CDH8: variants seen among roughly 807,000 people sequenced by gnomAD.
CDH8 encodes the protein cadherin 8, also known as cadherin-8.
Under a neutral mutation model 68.1 loss-of-function variants are expected in CDH8, and 17 were observed. That is an observed-to-expected ratio of 0.25 (90% CI 0.17 to 0.37). The LOEUF (loss-of-function observed/expected upper bound fraction) is 0.37. Ranked by LOEUF, CDH8 falls within the 10% of genes least tolerant of loss-of-function variation. CDH8 has a pLI of 1.00. For synonymous variants in CDH8, 372 were observed against 365.1 expected (o/e 1.02, Z -0.21); for missense variants, 763 against 999.3 (o/e 0.76, Z 3.19).
intron 2 of CDH8, among the ~76,000 whole-genome samples, chr16:61,953,924 T>C (rs965499171): frequency 7.8e-6 from 1 of 127,530 alleles, no homozygotes; most frequent in Admixed American, 7.7e-5. Flanking sequence ...TATATATATA[T>C]ATAAAATACC....
chr16:61,751,382 T>TAAAAAAAAAAAAAAAAAAAAAAA (rs71134375), intron 8 of CDH8, among the ~76,000 whole-genome samples: 1 of 54,138 alleles, frequency 1.8e-5, no homozygotes, highest in African/African-American at 7.9e-5. Flanking sequence ...ATATTCTCCT[T>TAAAAAAAAAAAAAAAAAAAAAAA]AAAAAAAAAA....
intron 2 of CDH8, among the ~76,000 whole-genome samples, chr16:61,902,576 CAAAAAAA>C (rs74868190): frequency 2.1e-3 from 199 of 93,078 alleles, no homozygotes; most frequent in African/African-American, 7.7e-3. Flanking sequence ...ATATTTGTTC[CAAAAAAA>C]AAAAAAAAAA....
intron 2 of CDH8, among the ~76,000 whole-genome samples, chr16:61,947,005 T>A (rs1410538169): frequency 6.6e-6 from 1 of 152,208 alleles, no homozygotes; most frequent in Non-Finnish European, 1.5e-5. Flanking sequence ...TGTTATCTGT[T>A]TCCTGTGTAA....
At chr16:61,746,006 T>A (rs1242820137) in intron 8 of CDH8, among the ~76,000 whole-genome samples, 1 of 152,084 alleles carries the variant, frequency 6.6e-6, no homozygotes, top group Admixed American at 6.6e-5. Context: ...AAGACCGGAT[T>A]TCAGAATTAT....
rs544002257 is a variant in CDH8, at chr16:61,809,349, C to T, written c.1277+8130G>A. Among the ~76,000 whole-genome samples the T allele has an allele frequency of 2.0e-5, 3 of 152,172 alleles. No individual in the cohort carries two copies. In the East Asian group the frequency reaches 5.8e-4, roughly 30 times the overall value. On this transcript the variant is annotated intron_variant, in intron 7 of 11. Transcript: ENST00000577390. ...TTTAGAAAGAAAAAAAGGTGACTTT[C>T]CTGCATGTTCTCACTCATAAGTGGG...
intron 1 of CDH8, among the ~76,000 whole-genome samples, chr16:62,028,632 A>G (rs1902251980): frequency 1.3e-5 from 2 of 152,142 alleles, no homozygotes; most frequent in Admixed American, 1.3e-4. Context: ...TTCTAGAACC[A>G]GACCTTTACT....
At chr16:62,017,296 G>C (rs1204394278) in intron 2 of CDH8, among the ~76,000 whole-genome samples, 3 of 152,074 alleles carry the variant, frequency 2.0e-5, no homozygotes, top group Non-Finnish European at 4.4e-5. Context: ...TTATCAGGAA[G>C]AAAAACAGTC....
intron 10 of CDH8, among the ~76,000 whole-genome samples, chr16:61,712,014 T>C (rs192054453): frequency 1.3e-5 from 2 of 151,718 alleles, no homozygotes; most frequent in Non-Finnish European, 3.0e-5. Flanking sequence ...CAAAATAATA[T>C]GAAAAACCTA....
chr16:61,942,583 T>C (rs1255517962), intron 2 of CDH8, among the ~76,000 whole-genome samples: 1 of 152,188 alleles, frequency 6.6e-6, no homozygotes, highest in Non-Finnish European at 1.5e-5. Context: ...TAGTGACCTA[T>C]GTTACCTGAC....
At chr16:61,797,586 G>T (rs1353878510) in intron 7 of CDH8, among the ~76,000 whole-genome samples, 1 of 152,112 alleles carries the variant, frequency 6.6e-6, no homozygotes, top group South Asian at 2.1e-4. Flanking sequence ...CAACAGGATT[G>T]CCTTAAAAGG....
intron 8 of CDH8, among the ~76,000 whole-genome samples, chr16:61,759,163 T>C (rs1367841755): frequency 2.6e-5 from 4 of 152,242 alleles, no homozygotes; most frequent in East Asian, 1.9e-4. Context: ...ATGAAATGAA[T>C]TACAAATTGA....
At chr16:61,996,403 CA>C in intron 2 of CDH8, among the ~76,000 whole-genome samples, 1 of 152,286 alleles carries the variant, frequency 6.6e-6, no homozygotes, top group Non-Finnish European at 1.5e-5. Context: ...CCAGGTGAAG[CA>C]AATTCATGCT....
chr16:61,808,901 C>A (rs1251742984), intron 7 of CDH8, among the ~76,000 whole-genome samples: 1 of 152,148 alleles, frequency 6.6e-6, no homozygotes, highest in African/African-American at 2.4e-5. Context: ...TAAGACTTTA[C>A]TAGACCAGGC....
In CDH8 at chr16:61,653,124, A is replaced by T. The variant is rs1469324465; in HGVS notation, c.*484T>A. The T allele has an allele frequency of 8.0e-7, 1 of 1,248,190 alleles. No individual in the cohort carries two copies. Among genetic ancestry groups the T allele is most frequent in the East Asian group, 3.1e-5 (1 of 32,004 alleles). 77.3% of individuals were successfully genotyped at this position (1,248,190 alleles called of 1,614,324 possible). A position where few individuals can be genotyped will look rare whatever the true frequency, so the allele number is the denominator to read the frequency against. On this transcript the variant is annotated 3_prime_UTR_variant, in exon 12 of 12. Transcript: ENST00000577390. ...AAAACTCCAAAAAGTTATAATGTAC[A>T]GCAGACCAAGTATTGCTTTATCATT...
intron 2 of CDH8, among the ~76,000 whole-genome samples, chr16:61,912,508 C>G (rs1964178081): frequency 6.6e-6 from 1 of 151,980 alleles, no homozygotes; most frequent in Non-Finnish European, 1.5e-5. Context: ...AGGTGAAGGG[C>G]TAATCAGATA....
At chr16:61,870,370 T>C (rs1372817271) in intron 3 of CDH8, among the ~76,000 whole-genome samples, 1 of 152,130 alleles carries the variant, frequency 6.6e-6, no homozygotes, top group African/African-American at 2.4e-5. Flanking sequence ...TCAGTGTAAA[T>C]GTGTGAAGTG....
intron 7 of CDH8, among the ~76,000 whole-genome samples, chr16:61,800,694 T>C (rs1425730138): frequency 6.6e-6 from 1 of 152,174 alleles, no homozygotes; most frequent in African/African-American, 2.4e-5. Flanking sequence ...GACTTCATAC[T>C]CATGGGGTAG....
At position 61,653,868 on chromosome 16, in the gene CDH8, G is replaced by A. The variant is rs761735900; in HGVS notation, c.2140C>T (p.Pro714Ser). ...LQFMPRQGLA[P>S]VPNGVDVDEF... ...TCGACATCAACACCATTTGGAACTG[G>A]AGCAAGCCCTTGCCTTGGCATAAAC... Residue 714 changes from proline to serine, a missense_variant, in exon 12 of 12, where the codon CCA (proline) becomes TCA (serine). Physicochemically the swap from Pro to Ser is moderately conservative, Grantham distance 74 (BLOSUM62 -1). Coordinates refer to ENST00000577390, the MANE Select transcript of CDH8 (RefSeq NM_001796.5). 6.2e-7 allele frequency: 1 copy of A among 1,614,202 alleles called. No individual in the cohort carries two copies. The highest frequency in any genetic ancestry group is 8.5e-7 in the Non-Finnish European group (1 of 1,180,046).
chr16:61,903,591 G>T (rs905467119), intron 2 of CDH8, among the ~76,000 whole-genome samples: 3 of 152,160 alleles, frequency 2.0e-5, no homozygotes, highest in Admixed American at 2.0e-4. Flanking sequence ...GATTACAGGC[G>T]TGAGCCACCT....
Sources: gnomAD v4.1 joint callset for allele counts (sites outside exome capture counted in the v4.1 genomes callset) on GRCh38, gnomAD v4.1.1 for gene constraint, MANE v1.5 for transcripts, NCBI Gene and HGNC (gene_info 2026-07-23, HGNC 2026-07-21) for gene names.